Variants in AASDHPPT observed in about 807,000 individuals in gnomAD.
AASDHPPT encodes aminoadipate-semialdehyde dehydrogenase-phosphopantetheinyl transferase.
AASDHPPT carries 23 observed loss-of-function variants against 36.4 expected under a neutral mutation model. The observed-to-expected ratio is 0.63, with a 90% CI of 0.45 to 0.89. AASDHPPT has a LOEUF of 0.89. AASDHPPT is among the 40% of genes least tolerant of loss of function. The pLI, the probability that AASDHPPT is intolerant of heterozygous loss-of-function variation, is 0.00. For synonymous variants in AASDHPPT, 115 were observed against 128.0 expected, an observed-to-expected ratio of 0.90 and a Z score of 0.68; for missense variants, 377 against 378.2, an observed-to-expected ratio of 1.00 and a Z score of 0.03.
At chr11:106,083,007 C>T (rs758195769) in intron 2 of AASDHPPT, among the ~76,000 whole-genome samples, 3 of 151,770 alleles carry the variant, frequency 2.0e-5, no homozygotes, top group Non-Finnish European at 2.9e-5. Flanking sequence ...TTTACATGTT[C>T]GTCTTTACAT....
chr11:106,091,028 G>A (rs1861250664), intron 3 of AASDHPPT, among the ~76,000 whole-genome samples: 1 of 151,992 alleles, frequency 6.6e-6, no homozygotes, highest in Admixed American at 6.6e-5. Flanking sequence ...ATTACTTCAA[G>A]CTCTAAGTTA....
At chr11:106,089,542 T>C (rs1296216843) in intron 2 of AASDHPPT, 1 of 152,070 alleles carries the variant, frequency 6.6e-6, no homozygotes, top group Non-Finnish European at 1.5e-5. Flanking sequence ...ACAGGCTCTC[T>C]GATAGGCCCA....
At chr11:106,093,010 T>C (rs928265594) in intron 4 of AASDHPPT, 10 of 152,138 alleles carry the variant, frequency 6.6e-5, no homozygotes, top group Non-Finnish European at 1.2e-4. Context: ...GGAGCATCTA[T>C]ACTAATATTC....
intron 2 of AASDHPPT, among the ~76,000 whole-genome samples, chr11:106,090,169 A>G (rs1021656769): frequency 6.6e-6 from 1 of 151,994 alleles, no homozygotes; most frequent in African/African-American, 2.4e-5. Context: ...TGGGCTTCTG[A>G]TAAGTATCCT....
rs1003973516 is a variant in AASDHPPT at position 106,098,496 on chromosome 11, C to T, written c.*1589C>T. ...GCAAATTGTATAAAATTAGGTACTT[C>T]GATTAGTAAAAGAAAAAAATTTGAA... On this transcript the variant is annotated 3_prime_UTR_variant, in exon 6 of 6. Coordinates refer to ENST00000278618, the MANE Select transcript of AASDHPPT (RefSeq NM_015423.3). The T allele has an allele frequency of 4.7e-5, 7 of 149,076 alleles. No homozygotes were observed. Among genetic ancestry groups the T allele is most frequent in the Admixed American group, 1.3e-4 (2 of 14,920 alleles). 9.2% of individuals were successfully genotyped at this position (149,076 alleles called of 1,614,324 possible). A position where few individuals can be genotyped will look rare whatever the true frequency, so the allele number is the denominator to read the frequency against.
At chr11:106,078,565 C>T (rs111571146) in intron 1 of AASDHPPT, among the ~76,000 whole-genome samples, 199 of 152,324 alleles carry the variant, frequency 1.3e-3, no homozygotes, top group African/African-American at 4.5e-3. Context: ...GAATTACCAT[C>T]ATTTAAAAGA....
intron 2 of AASDHPPT, among the ~76,000 whole-genome samples, chr11:106,089,082 G>T (rs1193208433): frequency 6.6e-6 from 1 of 151,984 alleles, no homozygotes; most frequent in African/African-American, 2.4e-5. Flanking sequence ...TGTCTGTTTT[G>T]CTCATCATGC....
intron 2 of AASDHPPT, among the ~76,000 whole-genome samples, chr11:106,085,717 G>A (rs1254452862): frequency 6.6e-6 from 1 of 152,200 alleles, no homozygotes; most frequent in East Asian, 1.9e-4. Flanking sequence ...AACAACCTCA[G>A]AGCTAATATT....
Position 106,077,739 on chromosome 11 carries a change from T to A in AASDHPPT, c.29T>A (p.Leu10Ter), listed in dbSNP as rs769989106. 1.9e-6 allele frequency: 3 copies of A among 1,613,966 alleles called. No individual in the cohort carries two copies. The highest frequency in any genetic ancestry group is 2.7e-5 in the African/African-American group (2 of 74,930). ...GTTTTCCCTGCCAAACGGTTCTGCT[T>A]GGTGCCATCCATGGAGGGCGTGCGC... The part of the protein sequence containing the change: MVFPAKRFC[L>*]VPSMEGVRWA... The change falls in exon 1 of 6, where the codon TTG becomes TAG. Residue 10 changes from leucine (L) to a stop codon, truncating the protein, a stop_gained. Coordinates refer to ENST00000278618, the MANE Select transcript of AASDHPPT (RefSeq NM_015423.3). LOFTEE classifies it high-confidence loss of function.
chr11:106,081,382 T>G (rs1384832924), intron 2 of AASDHPPT, among the ~76,000 whole-genome samples: 4 of 152,196 alleles, frequency 2.6e-5, no homozygotes, highest in Non-Finnish European at 5.9e-5. Context: ...GGAATTTTGT[T>G]TACCTCCTGA....
At position 106,096,788 on chromosome 11, in the gene AASDHPPT, A is replaced by G. The variant is rs761532267; in HGVS notation, c.811A>G (p.Ile271Val). The change falls in exon 6 of 6, where the codon ATT becomes GTT. Residue 271 changes from isoleucine (I) to valine (V), a missense_variant. By Grantham distance (29) the Ile-to-Val change is conservative. Coordinates refer to ENST00000278618, the MANE Select transcript of AASDHPPT (RefSeq NM_015423.3). The part of the protein sequence containing the change: ...DSKPTQRQFT[I>V]LNFNDLMSSA... Reference sequence around the variant, plus strand: ...CAAACCAACCCAGAGGCAATTTACTATTCTCAACTTTAATGATTTAATGTC... The same window carrying G: ...CAAACCAACCCAGAGGCAATTTACTGTTCTCAACTTTAATGATTTAATGTC... The G allele has an allele frequency of 1.2e-6, 2 of 1,608,848 alleles. No homozygotes were observed. The highest frequency in any genetic ancestry group is 1.1e-5 in the South Asian group (1 of 89,964).
At chr11:106,081,169 G>T (rs1861135179) in intron 2 of AASDHPPT, among the ~76,000 whole-genome samples, 1 of 152,114 alleles carries the variant, frequency 6.6e-6, no homozygotes, top group South Asian at 2.1e-4. Context: ...TAGAGTATAG[G>T]CTTCAGTGTG....
chr11:106,096,664 A>T, intron 5 of AASDHPPT, 79 bp from the exon 6 acceptor site: 1 of 1,210,098 alleles, frequency 8.3e-7, no homozygotes, highest in Non-Finnish European at 1.1e-6. Flanking sequence ...AGTTGGTCTT[A>T]CTTATTTTCA....
In AASDHPPT at chr11:106,090,679, G is replaced by A; in HGVS notation, c.531+1G>A. On this transcript the variant is annotated splice_donor_variant, in intron 3 of 5. Transcript: ENST00000278618. LOFTEE classifies it high-confidence loss of function. ...GCTGGATATGTTTTATAGGAATTGG[G>A]TATAATTCTTTCTAATTTTGAAAGC... The A allele has an allele frequency of 6.3e-7, 1 of 1,574,992 alleles. No individual in the cohort carries two copies. Among genetic ancestry groups the A allele is most frequent in the Non-Finnish European group, 8.6e-7 (1 of 1,165,066 alleles).
chr11:106,084,984 G>A (rs1301104620), intron 2 of AASDHPPT, among the ~76,000 whole-genome samples: 2 of 152,164 alleles, frequency 1.3e-5, no homozygotes, highest in African/African-American at 4.8e-5. Context: ...TGTATTGGAT[G>A]TAATTTACAG....
rs368580660 is a variant in AASDHPPT, at chr11:106,097,037, TA to T, written c.*141del. On this transcript the variant is annotated 3_prime_UTR_variant, in exon 6 of 6. Coordinates refer to ENST00000278618, the MANE Select transcript of AASDHPPT (RefSeq NM_015423.3). ...TTTAAAGAACAGAAACTTTTCCAAT[TA>T]AAAAAAAAAAGCAGACTTCTGGTTC... 29,015 of 712,452 alleles carry T rather than the reference TA, an allele frequency of 0.041. No individual in the cohort carries two copies. The highest frequency in any genetic ancestry group is 0.062 in the East Asian group (1,424 of 22,968). The allele number at this position is 712,452 out of a possible 1,614,324, so 44.1% of individuals were successfully genotyped here.
chr11:106,091,594 G>C, intron 4 of AASDHPPT, 117 bp downstream of exon 4: 3 of 1,007,220 alleles, frequency 3.0e-6, no homozygotes, highest in Non-Finnish European at 2.8e-6. Flanking sequence ...CAGTCCTGCT[G>C]CTCTGAAAGT....
rs1565413733 is a variant in AASDHPPT at position 106,098,606 on chromosome 11, G to A, written c.*1699G>A. The stretch of plus-strand genomic sequence containing the variant: ...TCAAGTAGCATTTATAATAGAGGAA[G>A]TATTGTTATCCCTAGCATGAGTGTA... On this transcript the variant is annotated 3_prime_UTR_variant, in exon 6 of 6. Transcript: ENST00000278618. 1 of 151,764 alleles carries A rather than the reference G, an allele frequency of 6.6e-6. No homozygotes were observed. The highest frequency in any genetic ancestry group is 1.5e-5 in the Non-Finnish European group (1 of 67,916). The allele number at this position is 151,764 out of a possible 1,614,324, so 9.4% of individuals were successfully genotyped here. A position where few individuals can be genotyped will look rare whatever the true frequency, so the allele number is the denominator to read the frequency against.
At chr11:106,090,075 A>G (rs1861239906) in intron 2 of AASDHPPT, among the ~76,000 whole-genome samples, 2 of 152,054 alleles carry the variant, frequency 1.3e-5, no homozygotes, top group Admixed American at 6.5e-5. Context: ...AAATTGTAAT[A>G]AAAGAATTAT....
Sources: gnomAD v4.1 joint callset for allele counts (sites outside exome capture counted in the v4.1 genomes callset) on GRCh38, gnomAD v4.1.1 for gene constraint, MANE v1.5 for transcripts, NCBI Gene and HGNC (gene_info 2026-07-23, HGNC 2026-07-21) for gene names.